The following CDK14 variants were observed in gnomAD, a reference collection of about 807,000 sequenced individuals.
CDK14 encodes the protein cyclin-dependent kinase 14.
CDK14 carries 34 observed loss-of-function variants against 60.7 expected under a neutral mutation model. The observed-to-expected ratio is 0.56, with a 90% CI of 0.43 to 0.75. The LOEUF (loss-of-function observed/expected upper bound fraction) is 0.75. Among genes scored for constraint, CDK14 ranks in the 30% least tolerant of loss-of-function variants. The probability of loss-of-function intolerance (pLI) is 0.00; values close to 1 mark genes in which losing one functional copy is unlikely to be tolerated. For synonymous variants in CDK14, 197 were observed against 203.7 expected, an observed-to-expected ratio of 0.97 and a Z score of 0.28; for missense variants, 482 against 564.1, an observed-to-expected ratio of 0.85 and a Z score of 1.47.
At chr7:90,761,304 C>G (rs1804302577) in intron 4 of CDK14, among the ~76,000 whole-genome samples, 1 of 149,056 alleles carries the variant, frequency 6.7e-6, no homozygotes, top group African/African-American at 2.5e-5. Context: ...CTATGCCCAT[C>G]TGGTGGAAAT....
intron 5 of CDK14, among the ~76,000 whole-genome samples, chr7:90,850,276 TG>T (rs1790606664): frequency 6.6e-6 from 1 of 150,416 alleles, no homozygotes; most frequent in Non-Finnish European, 1.5e-5. Flanking sequence ...CAGTGATTTA[TG>T]GAGGATCCTG....
chr7:90,685,612 A>C (rs1343743109), intron 2 of CDK14, among the ~76,000 whole-genome samples: 2 of 150,196 alleles, frequency 1.3e-5, no homozygotes, highest in Non-Finnish European at 3.0e-5. Flanking sequence ...CCAACTAGAT[A>C]GGACTACAAG....
chr7:91,048,927 T>G (rs1233553819), intron 11 of CDK14, among the ~76,000 whole-genome samples: 2 of 152,322 alleles, frequency 1.3e-5, no homozygotes, highest in East Asian at 3.9e-4. Context: ...CAGGTGGGAC[T>G]GCAGTGGTGC....
At chr7:91,018,413 C>T (rs1796354204) in intron 10 of CDK14, among the ~76,000 whole-genome samples, 1 of 152,120 alleles carries the variant, frequency 6.6e-6, no homozygotes, top group Non-Finnish European at 1.5e-5. Flanking sequence ...AAGGCCCTGG[C>T]ATATTTGGTA....
At chr7:90,975,311 T>C (rs1336906433) in intron 9 of CDK14, among the ~76,000 whole-genome samples, 1 of 151,980 alleles carries the variant, frequency 6.6e-6, no homozygotes, top group Non-Finnish European at 1.5e-5. Flanking sequence ...ATTATATATA[T>C]TTCTTCAAAT....
At chr7:90,866,130 T>G (rs1359344238) in intron 6 of CDK14, among the ~76,000 whole-genome samples, 1 of 152,044 alleles carries the variant, frequency 6.6e-6, no homozygotes, top group Non-Finnish European at 1.5e-5. Flanking sequence ...AACTCTTATT[T>G]CAATTACAAA....
At chr7:90,840,533 C>G (rs187780390) in intron 5 of CDK14, among the ~76,000 whole-genome samples, 103 of 152,252 alleles carry the variant, frequency 6.8e-4, no homozygotes, top group Admixed American at 1.7e-3. Context: ...TAAAATAATT[C>G]TTTGTCTTTT....
intron 2 of CDK14, among the ~76,000 whole-genome samples, chr7:90,701,027 C>T (rs1801774601): frequency 6.6e-6 from 1 of 152,178 alleles, no homozygotes; most frequent in African/African-American, 2.4e-5. Context: ...ACTTTCTTTA[C>T]ATATTCCACA....
At chr7:91,087,919 A>G (rs916443444) in intron 12 of CDK14, among the ~76,000 whole-genome samples, 10 of 152,316 alleles carry the variant, frequency 6.6e-5, no homozygotes, top group Admixed American at 2.0e-4. Flanking sequence ...AATTAATGCA[A>G]TACTGTGATT....
intron 12 of CDK14, among the ~76,000 whole-genome samples, chr7:91,085,914 AATGC>A: frequency 6.6e-6 from 1 of 152,354 alleles, no homozygotes; most frequent in East Asian, 1.9e-4. Flanking sequence ...TGTGCTGACA[AATGC>A]AGTAGCCATT....
intron 5 of CDK14, among the ~76,000 whole-genome samples, chr7:90,839,128 T>C (rs1023505): frequency 0.72 from 109,847 of 152,142 alleles, 39,871 homozygotes; most frequent in East Asian, 0.89. Context: ...AAAGAACCTA[T>C]GTTGAAATAT....
chr7:91,034,114 C>T (rs1282724595), intron 10 of CDK14, among the ~76,000 whole-genome samples: 1 of 152,182 alleles, frequency 6.6e-6, no homozygotes, highest in Non-Finnish European at 1.5e-5. Context: ...TGTGTTCATT[C>T]ATCCACCAAT....
intron 9 of CDK14, among the ~76,000 whole-genome samples, chr7:90,967,273 G>T (rs1794781675): frequency 6.6e-6 from 1 of 152,120 alleles, no homozygotes. Flanking sequence ...TATTGTATAA[G>T]GATCTTTATA....
At chr7:91,142,429 G>A (rs1406785836) in intron 14 of CDK14, among the ~76,000 whole-genome samples, 1 of 152,152 alleles carries the variant, frequency 6.6e-6, no homozygotes, top group Non-Finnish European at 1.5e-5. Flanking sequence ...TTTCAGTGGA[G>A]GAAAAGAAAA....
chr7:91,110,418 T>C (rs1051968271), intron 12 of CDK14, among the ~76,000 whole-genome samples: 2 of 152,194 alleles, frequency 1.3e-5, no homozygotes, highest in Non-Finnish European at 2.9e-5. Flanking sequence ...TGTTTATAAT[T>C]CTTCGAGATA....
intron 5 of CDK14, among the ~76,000 whole-genome samples, chr7:90,852,640 A>C (rs1790685276): frequency 1.3e-5 from 2 of 152,172 alleles, no homozygotes; most frequent in Admixed American, 1.3e-4. Context: ...TGATGCTAGC[A>C]TTGGCCAAGC....
chr7:90,612,509 C>T (rs1799562377), intron 2 of CDK14, among the ~76,000 whole-genome samples: 1 of 152,066 alleles, frequency 6.6e-6, no homozygotes, highest in African/African-American at 2.4e-5. Flanking sequence ...CGGTGGCTCA[C>T]GCCTGTAATC....
chr7:91,115,916 A>T (rs1024677192), intron 13 of CDK14, among the ~76,000 whole-genome samples: 4 of 152,238 alleles, frequency 2.6e-5, no homozygotes, highest in African/African-American at 7.2e-5. Context: ...GTAATGTATT[A>T]GTGTGGCACT....
chr7:90,639,904 G>A (rs10953010), intron 2 of CDK14, among the ~76,000 whole-genome samples: 46,668 of 151,582 alleles, frequency 0.31, 8,100 homozygotes, highest in East Asian at 0.67. Context: ...AGACTCCGTG[G>A]GCGTAGGACC....
Sources: allele counts gnomAD v4.1 joint callset (sites outside exome capture counted in the v4.1 genomes callset), GRCh38; gene constraint gnomAD v4.1.1; transcripts MANE v1.5; gene names NCBI Gene and HGNC (gene_info 2026-07-23, HGNC 2026-07-21).